Variants in KDM6A observed in about 807,000 individuals in gnomAD.
KDM6A encodes the protein lysine-specific demethylase 6A.
A neutral mutation model predicts 117.6 loss-of-function variants in KDM6A; 11 were observed. The observed-to-expected ratio is 0.09, with a 90% CI of 0.06 to 0.15. The LOEUF is 0.15. KDM6A is among the 10% of genes least tolerant of loss of function. KDM6A has a pLI of 1.00. For synonymous variants in KDM6A, 384 were observed against 396.1 expected, an observed-to-expected ratio of 0.97 and a Z score of 0.36; for missense variants, 799 against 1,077.3, an observed-to-expected ratio of 0.74 and a Z score of 3.62.
At chrX:45,017,745 A>G (rs1301613131) in intron 5 of KDM6A, among the ~76,000 whole-genome samples, 2 of 112,111 alleles carry the variant, frequency 1.8e-5, no homozygotes, top group Non-Finnish European at 3.8e-5. Context: ...ATTTTAGGAT[A>G]TTAAACATAG....
intron 27 of KDM6A, among the ~76,000 whole-genome samples, chrX:45,105,633 C>T (rs749759044): frequency 8.9e-6 from 1 of 112,045 alleles, no homozygotes. Flanking sequence ...ATTATATTCT[C>T]TCTTTGCTAT....
chrX:44,914,635 C>T (rs2035440333), intron 2 of KDM6A, among the ~76,000 whole-genome samples: 1 of 111,147 alleles, frequency 9.0e-6, no homozygotes. Flanking sequence ...CTAGACTTTG[C>T]CACTTACCAG....
chrX:44,961,840 G>T (rs2038686934), intron 3 of KDM6A, among the ~76,000 whole-genome samples: 1 of 111,909 alleles, frequency 8.9e-6, no homozygotes, highest in Admixed American at 9.5e-5. Context: ...TCACAGATGA[G>T]CCTTGGATAA....
chrX:45,000,804 A>G (rs2041106760), intron 4 of KDM6A, among the ~76,000 whole-genome samples: 1 of 112,511 alleles, frequency 8.9e-6, no homozygotes, highest in South Asian at 3.6e-4. Context: ...AGAGCTTGGC[A>G]TGACTTACTA....
At chrX:45,099,660 T>C (rs1569541038) in intron 27 of KDM6A, among the ~76,000 whole-genome samples, 1 of 112,081 alleles carries the variant, frequency 8.9e-6, no homozygotes, top group East Asian at 2.8e-4. Context: ...AGGAGATTAT[T>C]GTTACTTTCT....
chrX:44,956,736 A>G (rs961434564), intron 2 of KDM6A, among the ~76,000 whole-genome samples: 1 of 111,717 alleles, frequency 9.0e-6, no homozygotes, highest in Admixed American at 9.5e-5. Flanking sequence ...TGGATGATAC[A>G]TTGACCTGTT....
Position 44,944,396 on chromosome X carries a change from C to T in KDM6A, c.226-16888C>T, listed in dbSNP as rs1363444383. On this transcript the variant is annotated intron_variant, in intron 2 of 29. Coordinates refer to ENST00000611820, the MANE Select transcript of KDM6A (RefSeq NM_001291415.2). ...CTTACTATTTTTCAAAATTGTTTTG[C>T]TTATTCTAGTTTATTTGCCTTTCCA... Among the ~76,000 whole-genome samples, 3 of 111,372 alleles carry T rather than the reference C, an allele frequency of 2.7e-5. No individual in the cohort carries two copies. In the Admixed American group the frequency reaches 2.9e-4, roughly 11 times the overall value.
intron 2 of KDM6A, among the ~76,000 whole-genome samples, chrX:44,934,229 A>T (rs955615322): frequency 8.9e-6 from 1 of 111,811 alleles, no homozygotes; most frequent in African/African-American, 3.3e-5. Flanking sequence ...TATATTTGGC[A>T]TGCCATCATC....
intron 2 of KDM6A, among the ~76,000 whole-genome samples, chrX:44,909,136 C>T (rs2034918697): frequency 9.0e-6 from 1 of 111,534 alleles, no homozygotes; most frequent in South Asian, 3.7e-4. Flanking sequence ...ACCATTACAC[C>T]GACTTCTATC....
intron 3 of KDM6A, among the ~76,000 whole-genome samples, chrX:44,971,098 A>G (rs1326278174): frequency 9.0e-6 from 1 of 111,699 alleles, no homozygotes; most frequent in African/African-American, 3.3e-5. Flanking sequence ...TGAGAAAATC[A>G]GCCACACCAT....
chrX:45,001,940 G>A (rs989042059), intron 4 of KDM6A, among the ~76,000 whole-genome samples: 2 of 110,925 alleles, frequency 1.8e-5, no homozygotes, highest in African/African-American at 3.3e-5. Flanking sequence ...GCTGGTGCTG[G>A]TTTACCGGAA....
intron 4 of KDM6A, among the ~76,000 whole-genome samples, chrX:44,999,578 G>A (rs927708741): frequency 8.9e-6 from 1 of 111,800 alleles, no homozygotes; most frequent in Non-Finnish European, 1.9e-5. Flanking sequence ...AGGAAGTTAA[G>A]TTTAAAAGTA....
intron 13 of KDM6A, 131 bp downstream of exon 13, chrX:45,060,287 G>C: frequency 1.9e-6 from 2 of 1,044,101 alleles, no homozygotes; most frequent in Non-Finnish European, 2.6e-6. Context: ...AATTGCAAAG[G>C]GAATCTAGAT....
intron 4 of KDM6A, among the ~76,000 whole-genome samples, chrX:45,010,298 G>C (rs766555131): frequency 2.2e-4 from 24 of 108,851 alleles, no homozygotes; most frequent in Admixed American, 7.9e-4. Context: ...TCGCGTTGGG[G>C]TGACAGAGCG....
intron 4 of KDM6A, among the ~76,000 whole-genome samples, chrX:44,981,004 A>T (rs781500472): frequency 1.8e-5 from 2 of 110,698 alleles, no homozygotes; most frequent in East Asian, 5.7e-4. Flanking sequence ...TCATGTTTTT[A>T]TAATGAATAG....
intron 4 of KDM6A, among the ~76,000 whole-genome samples, chrX:44,987,804 T>A (rs959590780): frequency 8.9e-6 from 1 of 111,766 alleles, no homozygotes; most frequent in African/African-American, 3.3e-5. Flanking sequence ...CTTCCCTTTG[T>A]GGGTAACCCG....
intron 10 of KDM6A, among the ~76,000 whole-genome samples, chrX:45,057,274 A>G (rs1401872967): frequency 9.0e-6 from 1 of 111,642 alleles, no homozygotes; most frequent in Non-Finnish European, 1.9e-5. Context: ...ATTTCAAACC[A>G]TGTTCACCAT....
chrX:45,032,577 TC>T (rs1377945379), intron 6 of KDM6A, among the ~76,000 whole-genome samples: 1 of 111,649 alleles, frequency 9.0e-6, no homozygotes, highest in Non-Finnish European at 1.9e-5. Flanking sequence ...AAACGCATTC[TC>T]ATTTTTTCTG....
At chrX:45,105,086 T>C (rs760452149) in intron 27 of KDM6A, among the ~76,000 whole-genome samples, 12 of 111,712 alleles carry the variant, frequency 1.1e-4, no homozygotes, top group African/African-American at 3.6e-4. Flanking sequence ...TTGGAAAAAC[T>C]GTGCTTCCTG....
Sources: allele counts gnomAD v4.1 joint callset (sites outside exome capture counted in the v4.1 genomes callset), GRCh38; gene constraint gnomAD v4.1.1; transcripts MANE v1.5; gene names NCBI Gene and HGNC (gene_info 2026-07-23, HGNC 2026-07-21).